GPR39: variants seen among roughly 807,000 people sequenced by gnomAD.
The protein encoded by GPR39 is zinc sensing receptor.
In GPR39, 23 loss-of-function variants were observed where a neutral mutation model predicts 18.4. That is an observed-to-expected ratio of 1.25 (90% CI 0.90 to 1.77). The LOEUF (loss-of-function observed/expected upper bound fraction) is 1.77, where lower values mean the gene tolerates loss of function less well. Ranked by LOEUF, GPR39 falls within the 40% of genes most tolerant of loss-of-function variation. The pLI is 0.00. For missense variants in GPR39, 647 were observed against 602.4 expected (o/e 1.07, Z -0.78); for synonymous variants, 280 against 257.9 (o/e 1.09, Z -0.82).
Position 132,645,081 on chromosome 2 carries a change from T to G in GPR39, c.857-20T>G. 1 of 1,597,408 alleles carries G rather than the reference T, an allele frequency of 6.3e-7. No individual in the cohort carries two copies. The stretch of plus-strand genomic sequence containing the variant: ...TGTTTTTCTTTTCTCTGTCTCTCCC[T>G]CCTGCTCGTGTCTGCCCAGGGCTGA... On this transcript the variant is annotated intron_variant, in intron 1 of 1. Coordinates refer to ENST00000329321, the MANE Select transcript of GPR39 (RefSeq NM_001508.3).
At chr2:132,443,286 C>A (rs1053683900) in intron 1 of GPR39, among the ~76,000 whole-genome samples, 1 of 152,062 alleles carries the variant, frequency 6.6e-6, no homozygotes, top group Non-Finnish European at 1.5e-5. Context: ...GCTTTTATTG[C>A]GTAACTCATC....
chr2:132,440,926 C>T (rs1397972824), intron 1 of GPR39, among the ~76,000 whole-genome samples: 1 of 152,092 alleles, frequency 6.6e-6, no homozygotes, highest in South Asian at 2.1e-4. Context: ...GCCCCACATT[C>T]CCTCCAGCCT....
chr2:132,427,149 T>TAC (rs1371125450), intron 1 of GPR39, among the ~76,000 whole-genome samples: 2 of 76,960 alleles, frequency 2.6e-5, no homozygotes, highest in Non-Finnish European at 5.0e-5. Context: ...TATATATATA[T>TAC]ATATATATAT....
At chr2:132,471,764 G>A (rs1681037017) in intron 1 of GPR39, among the ~76,000 whole-genome samples, 2 of 151,818 alleles carry the variant, frequency 1.3e-5, no homozygotes, top group South Asian at 2.1e-4. Context: ...AGATTAGTTA[G>A]CCCCAGGTCA....
At chr2:132,507,465 C>G (rs1268144517) in intron 1 of GPR39, among the ~76,000 whole-genome samples, 1 of 152,078 alleles carries the variant, frequency 6.6e-6, no homozygotes, top group East Asian at 1.9e-4. Flanking sequence ...TGTTTTCTTC[C>G]TTGTTTTAAG....
At chr2:132,521,012 G>T (rs1355451204) in intron 1 of GPR39, among the ~76,000 whole-genome samples, 1 of 152,210 alleles carries the variant, frequency 6.6e-6, no homozygotes, top group East Asian at 1.9e-4. Flanking sequence ...CTAACAAGAA[G>T]CCTGGAAATG....
At chr2:132,534,428 T>C (rs1384333572) in intron 1 of GPR39, among the ~76,000 whole-genome samples, 2 of 149,494 alleles carry the variant, frequency 1.3e-5, no homozygotes, top group African/African-American at 4.9e-5. Context: ...GAAGTCAGTG[T>C]GGCAATTCCT....
chr2:132,497,369 T>C (rs1346955171), intron 1 of GPR39, among the ~76,000 whole-genome samples: 2 of 151,974 alleles, frequency 1.3e-5, no homozygotes, highest in African/African-American at 4.8e-5. Context: ...TAGGGCCCAA[T>C]GAGAGAGGAA....
intron 1 of GPR39, among the ~76,000 whole-genome samples, chr2:132,479,606 T>A (rs1277499807): frequency 6.6e-6 from 1 of 152,154 alleles, no homozygotes; most frequent in Non-Finnish European, 1.5e-5. Flanking sequence ...AGAATCTAGA[T>A]GTAATGCTCA....
intron 1 of GPR39, among the ~76,000 whole-genome samples, chr2:132,480,443 A>G (rs1681212845): frequency 6.6e-6 from 1 of 152,230 alleles, no homozygotes; most frequent in Non-Finnish European, 1.5e-5. Context: ...AATAATAAAA[A>G]GAATATAGAT....
At chr2:132,581,989 G>T (rs1169442895) in intron 1 of GPR39, among the ~76,000 whole-genome samples, 1 of 152,246 alleles carries the variant, frequency 6.6e-6, no homozygotes, top group Non-Finnish European at 1.5e-5. Flanking sequence ...TGGCCCGGTG[G>T]TTGGGAGACA....
intron 1 of GPR39, among the ~76,000 whole-genome samples, chr2:132,554,154 C>A (rs1317472665): frequency 6.6e-6 from 1 of 152,136 alleles, no homozygotes; most frequent in Non-Finnish European, 1.5e-5. Flanking sequence ...TGAATGGAGT[C>A]AGTAGACATG....
chr2:132,493,178 T>C (rs1681540477), intron 1 of GPR39, among the ~76,000 whole-genome samples: 1 of 143,014 alleles, frequency 7.0e-6, no homozygotes, highest in Non-Finnish European at 1.5e-5. Context: ...ACACCATATA[T>C]ACACCATATA....
At position 132,492,623 on chromosome 2, in the gene GPR39, CAATATATATA is replaced by C. The variant is rs1558814461; in HGVS notation, c.856+74726_856+74735del. On this transcript the variant is annotated intron_variant, in intron 1 of 1. Coordinates refer to ENST00000329321, the MANE Select transcript of GPR39 (RefSeq NM_001508.3). ...CATATATACACACCATCTATATATA[CAATATATATA>C]CACACCATCTATATATAATATATAT... Among the ~76,000 whole-genome samples, 27 of 68,604 alleles carry C rather than the reference CAATATATATA, an allele frequency of 3.9e-4. 2 individuals carry two copies. The highest frequency in any genetic ancestry group is 9.7e-4 in the African/African-American group (26 of 26,922). 45.0% of individuals were successfully genotyped at this position (68,604 alleles called of 152,430 possible).
At chr2:132,455,176 T>C (rs1392318696) in intron 1 of GPR39, among the ~76,000 whole-genome samples, 1 of 152,244 alleles carries the variant, frequency 6.6e-6, no homozygotes, top group African/African-American at 2.4e-5. Flanking sequence ...ATTGGTCTTT[T>C]CAGAGATTCG....
At chr2:132,434,706 T>C (rs1256133429) in intron 1 of GPR39, among the ~76,000 whole-genome samples, 1 of 152,132 alleles carries the variant, frequency 6.6e-6, no homozygotes, top group African/African-American at 2.4e-5. Flanking sequence ...ACAGAAAAAG[T>C]CATGAAAGCC....
chr2:132,492,642 C>G (rs62644659), intron 1 of GPR39, among the ~76,000 whole-genome samples: 1 of 118,798 alleles, frequency 8.4e-6, no homozygotes, highest in African/African-American at 3.1e-5. Flanking sequence ...TACACACCAT[C>G]TATATATAAT....
At chr2:132,487,696 G>A (rs901185617) in intron 1 of GPR39, among the ~76,000 whole-genome samples, 6 of 152,238 alleles carry the variant, frequency 3.9e-5, no homozygotes, top group Middle Eastern at 3.4e-3. Flanking sequence ...CTTTAAAGAA[G>A]ATTAGTGACC....
chr2:132,417,951 G>T, intron 1 of GPR39, 53 bp downstream of exon 1: 3 of 1,525,314 alleles, frequency 2.0e-6, no homozygotes, highest in South Asian at 1.2e-5. Flanking sequence ...CTTCCCCCAC[G>T]ACCCGTGCCA....
Sources: allele counts gnomAD v4.1 joint callset (sites outside exome capture counted in the v4.1 genomes callset), GRCh38; gene constraint gnomAD v4.1.1; transcripts MANE v1.5; gene names NCBI Gene and HGNC (gene_info 2026-07-23, HGNC 2026-07-21).